Variants in CDYL2 observed in about 807,000 individuals in gnomAD.
CDYL2 encodes chromodomain Y-like protein 2.
In CDYL2, 23 loss-of-function variants were observed where a neutral mutation model predicts 49.4. The observed-to-expected ratio is 0.47, with a 90% CI of 0.34 to 0.66. CDYL2 has a LOEUF of 0.66. Among genes scored for constraint, CDYL2 ranks in the 30% least tolerant of loss-of-function variants. The pLI, the probability that CDYL2 is intolerant of heterozygous loss-of-function variation, is 0.01. For missense variants in CDYL2, 678 were observed against 656.4 expected (o/e 1.03, Z -0.36); for synonymous variants, 360 against 268.8 (o/e 1.34, Z -3.32).
chr16:80,774,148 C>T (rs987134215), intron 1 of CDYL2, among the ~76,000 whole-genome samples: 3 of 151,952 alleles, frequency 2.0e-5, no homozygotes, highest in Admixed American at 2.0e-4. Flanking sequence ...AGGAAAATAA[C>T]AGAAATCAGA....
intron 1 of CDYL2, among the ~76,000 whole-genome samples, chr16:80,709,139 T>C (rs1904502705): frequency 1.3e-5 from 2 of 152,134 alleles, no homozygotes; most frequent in African/African-American, 2.4e-5. Flanking sequence ...ATCCCAGCAC[T>C]TTGGGAGGCC....
chr16:80,671,593 A>T (rs1171628708), intron 2 of CDYL2, among the ~76,000 whole-genome samples: 1 of 152,202 alleles, frequency 6.6e-6, no homozygotes, highest in Non-Finnish European at 1.5e-5. Context: ...AATTCTCCCC[A>T]ATCTCAAAAG....
rs571587352 is a variant in CDYL2, at chr16:80,760,594, C to A, written c.24+43556G>T. ...GCCTGCATCAAAACATCTCGTATAC[C>A]CCATAAATATATGCACCTACTATGT... is the stretch of plus-strand genomic sequence containing the variant. On this transcript the variant is annotated intron_variant, in intron 1 of 6. Coordinates refer to ENST00000570137, the MANE Select transcript of CDYL2 (RefSeq NM_152342.4). 1.7e-3 allele frequency among the ~76,000 whole-genome samples: 261 copies of A among 151,740 alleles called. 3 individuals carry two copies. The highest frequency in any genetic ancestry group is 6.8e-3 in the Middle Eastern group (2 of 294).
chr16:80,684,008 G>C (rs1157712981), intron 2 of CDYL2, among the ~76,000 whole-genome samples: 1 of 152,238 alleles, frequency 6.6e-6, no homozygotes, highest in African/African-American at 2.4e-5. Flanking sequence ...GATAGCAGAA[G>C]GACAAGAGGC....
At chr16:80,801,627 TTAGTA>T in intron 1 of CDYL2, among the ~76,000 whole-genome samples, 1 of 152,346 alleles carries the variant, frequency 6.6e-6, no homozygotes, top group Non-Finnish European at 1.5e-5. Context: ...TATGTACACT[TTAGTA>T]TAATATTTAA....
chr16:80,623,567 C>T (rs1018253264), intron 3 of CDYL2, among the ~76,000 whole-genome samples: 2 of 152,142 alleles, frequency 1.3e-5, no homozygotes, highest in Non-Finnish European at 2.9e-5. Flanking sequence ...CAGCCCAGAC[C>T]GACAGGATGA....
intron 6 of CDYL2, among the ~76,000 whole-genome samples, chr16:80,605,004 T>C (rs182207443): frequency 1.1e-4 from 16 of 152,312 alleles, no homozygotes; most frequent in Non-Finnish European, 1.5e-4. Context: ...TGCCCCGTGT[T>C]CAGGCTACAA....
intron 2 of CDYL2, among the ~76,000 whole-genome samples, chr16:80,641,879 C>G (rs1158250750): frequency 6.7e-6 from 1 of 150,324 alleles, no homozygotes; most frequent in East Asian, 2.0e-4. Flanking sequence ...CACATGTACC[C>G]TAAAACTTAA....
At chr16:80,804,819 C>T (rs559829057), upstream of CDYL2, among the ~76,000 whole-genome samples, 2 of 151,142 alleles carry the variant, frequency 1.3e-5, no homozygotes, top group East Asian at 2.0e-4. Context: ...AAGGGGCGGC[C>T]GGGGAGCCAG....
At chr16:80,760,622 C>A (rs563861308) in intron 1 of CDYL2, among the ~76,000 whole-genome samples, 23 of 151,934 alleles carry the variant, frequency 1.5e-4, no homozygotes, top group Non-Finnish European at 2.8e-4. Context: ...TACTATGTCG[C>A]CACAAAAATT....
At chr16:80,671,740 G>A (rs1197777070) in intron 2 of CDYL2, among the ~76,000 whole-genome samples, 3 of 152,156 alleles carry the variant, frequency 2.0e-5, no homozygotes, top group African/African-American at 4.8e-5. Context: ...AAACACACAC[G>A]TCTGGCAAGG....
chr16:80,629,073 G>C (rs1401754943), intron 3 of CDYL2, among the ~76,000 whole-genome samples: 1 of 152,212 alleles, frequency 6.6e-6, no homozygotes. Flanking sequence ...ACAGGTATGT[G>C]AGGTGGGCTG....
intron 1 of CDYL2, among the ~76,000 whole-genome samples, chr16:80,705,276 A>G (rs2142505513): frequency 6.6e-6 from 1 of 152,338 alleles, no homozygotes; most frequent in African/African-American, 2.4e-5. Flanking sequence ...ACCGTCCCTC[A>G]GGGTCAGGTG....
upstream of CDYL2, among the ~76,000 whole-genome samples, chr16:80,804,784 C>T (rs1042557291): frequency 7.3e-5 from 11 of 150,574 alleles, no homozygotes; most frequent in African/African-American, 2.7e-4. Context: ...AGGTGCCCGC[C>T]GGGTGCGCCC....
At chr16:80,663,342 C>T (rs1159196927) in intron 2 of CDYL2, among the ~76,000 whole-genome samples, 4 of 151,736 alleles carry the variant, frequency 2.6e-5, no homozygotes, top group African/African-American at 9.7e-5. Context: ...TTGAGTGGAA[C>T]CAAAAGCCCC....
chr16:80,609,916 C>T (rs1344354920), intron 5 of CDYL2, among the ~76,000 whole-genome samples: 11 of 152,264 alleles, frequency 7.2e-5, no homozygotes, highest in African/African-American at 2.6e-4. Flanking sequence ...TAGTCACTGA[C>T]GTGTGACTCT....
intron 1 of CDYL2, among the ~76,000 whole-genome samples, chr16:80,697,531 T>C (rs1904281262): frequency 6.6e-6 from 1 of 152,110 alleles, no homozygotes; most frequent in South Asian, 2.1e-4. Context: ...AGGCACACTT[T>C]CACCACTCTT....
At chr16:80,667,733 A>G (rs890482147) in intron 2 of CDYL2, among the ~76,000 whole-genome samples, 5 of 152,252 alleles carry the variant, frequency 3.3e-5, no homozygotes, top group African/African-American at 1.2e-4. Context: ...GGGGGAAAAA[A>G]TTGAAATAAC....
intron 1 of CDYL2, among the ~76,000 whole-genome samples, chr16:80,711,487 T>C (rs7186034): frequency 0.42 from 63,471 of 151,968 alleles, 16,394 homozygotes; most frequent in Middle Eastern, 0.6. Context: ...ATAAAAGAGT[T>C]GACATTTCCC....
Sources: allele counts gnomAD v4.1 joint callset (sites outside exome capture counted in the v4.1 genomes callset), GRCh38; gene constraint gnomAD v4.1.1; transcripts MANE v1.5; gene names NCBI Gene and HGNC (gene_info 2026-07-23, HGNC 2026-07-21).